The following M6PR variants were observed in gnomAD, a reference collection of about 807,000 sequenced individuals.
The protein encoded by M6PR is mannose-6-phosphate receptor, cation dependent.
In M6PR, 19 loss-of-function variants were observed where a neutral mutation model predicts 33.1. The ratio of observed to expected loss-of-function variants is 0.57; its 90% CI spans 0.40 to 0.84. The LOEUF is 0.84. Ranked by LOEUF, M6PR falls within the 40% of genes least tolerant of loss-of-function variation. M6PR has a pLI of 0.00. For missense variants in M6PR, 295 were observed against 336.0 expected (o/e 0.88, Z 0.95); for synonymous variants, 111 against 123.4 (o/e 0.90, Z 0.67).
At chr12:8,942,243 T>C (rs1186416413) in intron 6 of M6PR, 173 bp downstream of exon 6, 1 of 804,002 alleles carries the variant, frequency 1.2e-6, no homozygotes, top group African/African-American at 1.7e-5. Flanking sequence ...AAATGGATGC[T>C]GTGCCACTTA....
In M6PR at chr12:8,949,191, A is replaced by G. The variant is rs2137179071; in HGVS notation, c.-2+297T>C. Reference sequence around the variant, plus strand: ...CGTGATGCAGGCCAAAATTCCTCCTACAAATAAATCCACCAACACCTCCAA... The same window carrying G: ...CGTGATGCAGGCCAAAATTCCTCCTGCAAATAAATCCACCAACACCTCCAA... On this transcript the variant is annotated intron_variant, in intron 1 of 6. Transcript: ENST00000000412. This position sits in a 1 kb window ranked among gnomAD's most constrained non-coding sequence, Gnocchi z 5.6. Among the ~76,000 whole-genome samples, 1 of 152,096 alleles carries G rather than the reference A, an allele frequency of 6.6e-6. No individual in the cohort carries two copies. Among genetic ancestry groups the G allele is most frequent in the South Asian group, 2.1e-4 (1 of 4,796 alleles).
At chr12:8,943,752 C>T (rs1201236062) in intron 4 of M6PR, 49 bp downstream of exon 4, 3 of 1,517,314 alleles carry the variant, frequency 2.0e-6, no homozygotes, top group South Asian at 1.1e-5. Context: ...AACCTCAGGT[C>T]AGTCCTTTCA....
At chr12:8,944,364 G>A (rs1946066416) in intron 3 of M6PR, among the ~76,000 whole-genome samples, 1 of 152,140 alleles carries the variant, frequency 6.6e-6, no homozygotes, top group South Asian at 2.1e-4. Context: ...ACTGTGTTCA[G>A]TTCTTTTGCA....
chr12:8,945,536 G>A lies in M6PR; in HGVS notation c.225C>T (p.Phe75=). The A allele has an allele frequency of 6.2e-7, 1 of 1,614,146 alleles. No homozygotes were observed. The highest frequency in any genetic ancestry group is 8.5e-7 in the Non-Finnish European group (1 of 1,180,030). ...GQGSDTYIYI[F]RVCREAGNHT... The stretch of plus-strand genomic sequence containing the variant: ...GGTTGCCAGCTTCCCGGCACACCCT[G>A]AAGATGTAGATGTATGTGTCTGAAC... Residue 75 remains phenylalanine, a synonymous_variant, in exon 3 of 7, where the codon TTC becomes TTT. Transcript: ENST00000000412.
intron 4 of M6PR, 96 bp downstream of exon 4, chr12:8,943,705 A>G (rs1047708368): frequency 7.5e-7 from 1 of 1,326,832 alleles, no homozygotes; most frequent in Admixed American, 1.7e-5. Flanking sequence ...TCTAATGTCC[A>G]TCCCAACGTA....
chr12:8,942,113 G>C, intron 6 of M6PR, 173 bp from the exon 7 acceptor site: 6 of 801,316 alleles, frequency 7.5e-6, no homozygotes, highest in Non-Finnish European at 1.2e-5. Flanking sequence ...AGGAGAAAAA[G>C]TTTCTTCTTA....
In M6PR at chr12:8,941,653, G is replaced by T; in HGVS notation, c.*165C>A. 1 of 770,082 alleles carries T rather than the reference G, an allele frequency of 1.3e-6. No individual in the cohort carries two copies. The highest frequency in any genetic ancestry group is 1.7e-5 in the African/African-American group (1 of 57,830). 47.7% of individuals were successfully genotyped at this position (770,082 alleles called of 1,614,324 possible). On this transcript the variant is annotated 3_prime_UTR_variant, in exon 7 of 7. Coordinates refer to ENST00000000412, the MANE Select transcript of M6PR (RefSeq NM_002355.4). ...AAAAAACAGAAAATAAGGAACAAAG[G>T]GAAGGCAGTTTTACTAGTGAGAAGA... is the stretch of plus-strand genomic sequence containing the variant.
chr12:8,947,830 CTG>C (rs1235271342), intron 1 of M6PR, among the ~76,000 whole-genome samples: 1 of 133,872 alleles, frequency 7.5e-6, no homozygotes, highest in Non-Finnish European at 1.6e-5. Flanking sequence ...ACAGCCAAAA[CTG>C]TGGGTTTTTT....
intron 6 of M6PR, 162 bp from the exon 7 acceptor site, chr12:8,942,102 C>T (rs1946020589): frequency 1.2e-6 from 1 of 856,740 alleles, no homozygotes; most frequent in East Asian, 2.7e-5. Flanking sequence ...TTTGGGGCAA[C>T]AGGAGAAAAA....
intron 1 of M6PR, 44 bp from the exon 2 acceptor site, chr12:8,946,449 A>G (rs1253994780): frequency 9.4e-6 from 14 of 1,492,184 alleles, no homozygotes; most frequent in African/African-American, 1.4e-5. Context: ...TAGGATCAGG[A>G]GAGAGAGGAA....
rs758680325 is a variant in M6PR at position 8,943,815 on chromosome 12, G to A, written c.439C>T (p.Arg147Ter). Residue 147 changes from arginine (R) to a stop codon, truncating the protein, a stop_gained, in exon 4 of 7, where the codon CGA (arginine) becomes TGA (stop). Transcript: ENST00000000412. LOFTEE classifies it high-confidence loss of function. ...GGGTGCCTCACCGCTAGGGTGTGTC[G>A]ATTGCAGGAGATCATCACCACTGCA... ...RRAVVMISCNRHTLADNFNPV... is the reference protein window; with the variant it reads ...RRAVVMISCN The A allele has an allele frequency of 3.7e-6, 6 of 1,612,512 alleles. No individual in the cohort carries two copies. Among genetic ancestry groups the A allele is most frequent in the South Asian group, 1.1e-5 (1 of 91,008 alleles).
Position 8,941,603 on chromosome 12 carries a change from G to GACTT in M6PR, c.*211_*214dup, listed in dbSNP as rs1565528689. ...TCACAGGCCCTATTATATTAACTCT[G>GACTT]ACTTACAACTGTACCTCTCTAGAGA... On this transcript the variant is annotated 3_prime_UTR_variant, in exon 7 of 7. Coordinates refer to ENST00000000412, the MANE Select transcript of M6PR (RefSeq NM_002355.4). 2 of 551,334 alleles carry GACTT rather than the reference G, an allele frequency of 3.6e-6. No homozygotes were observed. The highest frequency in any genetic ancestry group is 6.4e-6 in the Non-Finnish European group (2 of 313,530). 34.2% of individuals were successfully genotyped at this position (551,334 alleles called of 1,614,324 possible).
intron 5 of M6PR, among the ~76,000 whole-genome samples, chr12:8,943,140 C>CG (rs930962300): frequency 6.6e-6 from 1 of 151,978 alleles, no homozygotes; most frequent in Admixed American, 6.6e-5. Context: ...TTAGTAGAGA[C>CG]GGAGTTTCAT....
chr12:8,948,414 A>G (rs1256053348), intron 1 of M6PR, among the ~76,000 whole-genome samples: 1 of 152,232 alleles, frequency 6.6e-6, no homozygotes, highest in Non-Finnish European at 1.5e-5. Context: ...GCTGTACATT[A>G]CACAGATATT....
Position 8,941,641 on chromosome 12 carries a change from T to C in M6PR, c.*177A>G. The stretch of plus-strand genomic sequence containing the variant: ...ACCTCTCTAGAGAAAAAACAGAAAA[T>C]AAGGAACAAAGGGAAGGCAGTTTTA... On this transcript the variant is annotated 3_prime_UTR_variant, in exon 7 of 7. Coordinates refer to ENST00000000412, the MANE Select transcript of M6PR (RefSeq NM_002355.4). 1.4e-6 allele frequency: 1 copy of C among 690,304 alleles called. No individual in the cohort carries two copies. The highest frequency in any genetic ancestry group is 2.4e-6 in the Non-Finnish European group (1 of 416,180). The allele number at this position is 690,304 out of a possible 1,614,324, so 42.8% of individuals were successfully genotyped here.
In M6PR at chr12:8,945,546, A is replaced by G. The variant is rs1038472869; in HGVS notation, c.215T>C (p.Ile72Thr). Residue 72 changes from isoleucine (I) to threonine (T), a missense_variant, in exon 3 of 7, where the codon ATC (isoleucine) becomes ACC (threonine). Physicochemically the swap from Ile to Thr is moderately conservative, Grantham distance 89 (BLOSUM62 -1). Coordinates refer to ENST00000000412, the MANE Select transcript of M6PR (RefSeq NM_002355.4). ...TTCCCGGCACACCCTGAAGATGTAG[A>G]TGTATGTGTCTGAACCCTGGCCCAC... is the stretch of plus-strand genomic sequence containing the variant. ...STVGQGSDTYIYIFRVCREAG... is the reference protein window; with the variant it reads ...STVGQGSDTYTYIFRVCREAG... The G allele has an allele frequency of 6.2e-7, 1 of 1,613,978 alleles. No individual in the cohort carries two copies. The highest frequency in any genetic ancestry group is 1.3e-5 in the African/African-American group (1 of 74,904).
chr12:8,944,031 T>C (rs1946062991), intron 3 of M6PR, 121 bp from the exon 4 acceptor site: 1 of 699,856 alleles, frequency 1.4e-6, no homozygotes, highest in Non-Finnish European at 2.6e-6. Flanking sequence ...ACAACCCTCA[T>C]CAGTACGAAC....
chr12:8,945,547 T>C lies in M6PR; in HGVS notation c.214A>G (p.Ile72Val), dbSNP rs749229647. The part of the protein sequence containing the change: ...STVGQGSDTY[I>V]YIFRVCREAG... ...TCCCGGCACACCCTGAAGATGTAGA[T>C]GTATGTGTCTGAACCCTGGCCCACA... Residue 72 changes from isoleucine to valine, a missense_variant, in exon 3 of 7, where the codon ATC (isoleucine) becomes GTC (valine). Transcript: ENST00000000412. 3 of 1,614,064 alleles carry C rather than the reference T, an allele frequency of 1.9e-6. No individual in the cohort carries two copies. Among genetic ancestry groups the C allele is most frequent in the African/African-American group, 1.3e-5 (1 of 75,002 alleles).
chr12:8,942,405 C>G lies in M6PR; in HGVS notation c.711+11G>C, dbSNP rs746059902. ...CAGGCTACAAATTCAACCAGCTGCC[C>G]TGTTACTTACTGCTACCAGGTTGCC... is the stretch of plus-strand genomic sequence containing the variant. On this transcript the variant is annotated intron_variant, in intron 6 of 6. Coordinates refer to ENST00000000412, the MANE Select transcript of M6PR (RefSeq NM_002355.4). The G allele has an allele frequency of 6.2e-7, 1 of 1,614,044 alleles. No individual in the cohort carries two copies. Among genetic ancestry groups the G allele is most frequent in the African/African-American group, 1.3e-5 (1 of 74,926 alleles).
Sources: gnomAD v4.1 joint callset for allele counts (sites outside exome capture counted in the v4.1 genomes callset) on GRCh38, gnomAD v4.1.1 for gene constraint, Gnocchi (gnomAD v3.1) non-coding constraint, MANE v1.5 for transcripts, NCBI Gene and HGNC (gene_info 2026-07-23, HGNC 2026-07-21) for gene names.